Variants in ACOX3 observed in about 807,000 individuals in gnomAD.
ACOX3 encodes the protein acyl-CoA oxidase 3, pristanoyl, also known as peroxisomal acyl-coenzyme A oxidase 3.
In ACOX3, 73 loss-of-function variants were observed where a neutral mutation model predicts 81.5. That is an observed-to-expected ratio of 0.90 (90% CI 0.74 to 1.09). The LOEUF (loss-of-function observed/expected upper bound fraction) is 1.09, where lower values mean the gene tolerates loss of function less well. ACOX3 is among the 50% of genes least tolerant of loss of function. The pLI is 0.00. For synonymous variants in ACOX3, 387 were observed against 375.1 expected (o/e 1.03, Z -0.37); for missense variants, 947 against 928.0 (o/e 1.02, Z -0.27).
At chr4:8,409,614 G>GATGGGGCTGTCT (rs1420961616) in intron 6 of ACOX3, among the ~76,000 whole-genome samples, 8 of 150,726 alleles carry the variant, frequency 5.3e-5, no homozygotes, top group Non-Finnish European at 1.2e-4. Flanking sequence ...CTGTACTGTG[G>GATGGGGCTGTCT]GTGGGGCTGT....
rs1257401012 is a variant in ACOX3 at position 8,400,855 on chromosome 4, A to T, written c.777-1203T>A. ...GGTGGGAGTGGTTTCGGGATGATTCAAGCACATTATATTTATTGTGCACTT... is the reference window on the plus strand; with the variant it reads ...GGTGGGAGTGGTTTCGGGATGATTCTAGCACATTATATTTATTGTGCACTT... On this transcript the variant is annotated intron_variant, in intron 7 of 17. Coordinates refer to ENST00000356406, the MANE Select transcript of ACOX3 (RefSeq NM_003501.3). The surrounding 1 kb of genome is among the most constrained non-coding windows in gnomAD (Gnocchi z 4.4). 6.6e-6 allele frequency among the ~76,000 whole-genome samples: 1 copy of T among 152,154 alleles called. No homozygotes were observed. The highest frequency in any genetic ancestry group is 1.9e-4 in the East Asian group (1 of 5,194).
At chr4:8,363,995 C>T (rs748176765), downstream of ACOX3, among the ~76,000 whole-genome samples, 20 of 152,094 alleles carry the variant, frequency 1.3e-4, no homozygotes, top group Admixed American at 4.6e-4. Flanking sequence ...AGTAGCCATT[C>T]TTCTATTCCT....
intron 7 of ACOX3, among the ~76,000 whole-genome samples, chr4:8,401,412 C>T (rs1288710808): frequency 6.6e-6 from 1 of 152,176 alleles, no homozygotes; most frequent in Admixed American, 6.5e-5. Flanking sequence ...CAGGATGCCC[C>T]CACACCCCCA....
chr4:8,394,786 T>C lies in ACOX3; in HGVS notation c.1057-44A>G, dbSNP rs1001669164. The C allele has an allele frequency of 5.5e-5, 87 of 1,590,554 alleles. No homozygotes were observed. The highest frequency in any genetic ancestry group is 7.1e-5 in the Non-Finnish European group (83 of 1,165,446). On this transcript the variant is annotated intron_variant, in intron 9 of 17. Coordinates refer to ENST00000356406, the MANE Select transcript of ACOX3 (RefSeq NM_003501.3). This position sits in a 1 kb window ranked among gnomAD's most constrained non-coding sequence, Gnocchi z 5.9. ...CTGCGTGAACACATCGTGGTTCCCA[T>C]GAAGGGCAGCCCATCCCAGGGACCA...
At chr4:8,360,617 A>G in the ACOX3 span, among the ~76,000 whole-genome samples, 1 of 151,724 alleles carries the variant, frequency 6.6e-6, no homozygotes, top group East Asian at 1.9e-4. Context: ...GACTACAGGC[A>G]CCCGCCACCA....
chr4:8,435,478 A>T (rs1350155330), intron 1 of ACOX3, among the ~76,000 whole-genome samples: 1 of 152,090 alleles, frequency 6.6e-6, no homozygotes, highest in Non-Finnish European at 1.5e-5. Context: ...CCTGGGCAAC[A>T]GAGCGAGACT....
chr4:8,381,508 G>C lies in ACOX3; in HGVS notation c.1637C>G (p.Ala546Gly). 1.9e-6 allele frequency: 3 copies of C among 1,613,472 alleles called. No individual in the cohort carries two copies. The highest frequency in any genetic ancestry group is 2.5e-6 in the Non-Finnish European group (3 of 1,179,614). ...EKRSGSSDFE[A>G]RNKCQVSHGR... Reference sequence around the variant, plus strand: ...AATACTTACCTGGCATTTGTTCCTTGCTTCAAAGTCACTGCTTCCTGATCT... The same window carrying C: ...AATACTTACCTGGCATTTGTTCCTTCCTTCAAAGTCACTGCTTCCTGATCT... Residue 546 changes from alanine to glycine, a missense_variant, in exon 14 of 18, where the codon GCA becomes GGA. Coordinates refer to ENST00000356406, the MANE Select transcript of ACOX3 (RefSeq NM_003501.3). This position sits in a 1 kb window ranked among gnomAD's most constrained non-coding sequence, Gnocchi z 4.3.
At position 8,419,065 on chromosome 4, in the gene ACOX3, C is replaced by G. The variant is rs1209605642; in HGVS notation, c.-14-2530G>C. 6.6e-6 allele frequency among the ~76,000 whole-genome samples: 1 copy of G among 151,986 alleles called. No individual in the cohort carries two copies. ...TGTGGTCCCAGCTACTCTGGGGAGG[C>G]TAAGGCAGGAGGACAGCTTGAGCCC... On this transcript the variant is annotated intron_variant, in intron 1 of 17. Coordinates refer to ENST00000356406, the MANE Select transcript of ACOX3 (RefSeq NM_003501.3). This position sits in a 1 kb window ranked among gnomAD's most constrained non-coding sequence, Gnocchi z 4.2.
chr4:8,404,959 C>T (rs774350526), intron 7 of ACOX3, among the ~76,000 whole-genome samples: 1 of 152,048 alleles, frequency 6.6e-6, no homozygotes, highest in African/African-American at 2.4e-5. Context: ...GTCCAGCATT[C>T]GCAGTGAGGG....
intron 1 of ACOX3, among the ~76,000 whole-genome samples, chr4:8,424,081 A>C (rs890658056): frequency 6.6e-6 from 1 of 152,254 alleles, no homozygotes; most frequent in Non-Finnish European, 1.5e-5. Context: ...AAAATTATCC[A>C]GACACACCAG....
intron 1 of ACOX3, among the ~76,000 whole-genome samples, chr4:8,424,067 G>A (rs1723216456): frequency 6.6e-6 from 1 of 152,166 alleles, no homozygotes; most frequent in African/African-American, 2.4e-5. Flanking sequence ...AAATACTTAG[G>A]GCTAAAATTA....
intron 16 of ACOX3, 33 bp from the exon 17 acceptor site, chr4:8,371,027 C>T (rs1716122738): frequency 6.2e-7 from 1 of 1,603,482 alleles, no homozygotes; most frequent in African/African-American, 1.3e-5. Flanking sequence ...CACTTGGCAC[C>T]TCCCGGGAAT....
chr4:8,389,377 G>A lies in ACOX3; in HGVS notation c.1424-91C>T. 7.2e-7 allele frequency: 1 copy of A among 1,384,994 alleles called. No individual in the cohort carries two copies. Among genetic ancestry groups the A allele is most frequent in the South Asian group, 1.3e-5 (1 of 79,048 alleles). The allele number at this position is 1,384,994 out of a possible 1,614,324, so 85.8% of individuals were successfully genotyped here. A position where few individuals can be genotyped will look rare whatever the true frequency, so the allele number is the denominator to read the frequency against. ...GGGGGCACCCCAAAGCACAGAGAGTGTCCAGAGGACCCGACGGCCACAGAC... is the reference window on the plus strand; with the variant it reads ...GGGGGCACCCCAAAGCACAGAGAGTATCCAGAGGACCCGACGGCCACAGAC... On this transcript the variant is annotated intron_variant, in intron 12 of 17. Transcript: ENST00000356406. This position sits in a 1 kb window ranked among gnomAD's most constrained non-coding sequence, Gnocchi z 5.3.
At chr4:8,390,975 G>C (rs1026346152) in intron 11 of ACOX3, among the ~76,000 whole-genome samples, 3 of 150,028 alleles carry the variant, frequency 2.0e-5, no homozygotes, top group Non-Finnish European at 4.5e-5. Flanking sequence ...ATGGAGCCTC[G>C]GTCATATTGG....
At chr4:8,429,462 C>G (rs143168538) in intron 1 of ACOX3, among the ~76,000 whole-genome samples, 1 of 152,282 alleles carries the variant, frequency 6.6e-6, no homozygotes, top group South Asian at 2.1e-4. Flanking sequence ...GTGATAGACG[C>G]GGGGCTTTGG....
chr4:8,396,549 T>C (rs1360832074), intron 9 of ACOX3, among the ~76,000 whole-genome samples: 3 of 152,026 alleles, frequency 2.0e-5, no homozygotes, highest in Non-Finnish European at 4.4e-5. Flanking sequence ...TGGTGGTGCA[T>C]GCCCATAATC....
rs886746353 is a variant in ACOX3, at chr4:8,389,087, G to T, written c.1537+86C>A. ...TGCTGCCCCGGCTGGAACTGCCAAG[G>T]GTCCCCTCACCGAGGCACGGTGCGT... On this transcript the variant is annotated intron_variant, in intron 13 of 17. Transcript: ENST00000356406. The surrounding 1 kb of genome is among the most constrained non-coding windows in gnomAD (Gnocchi z 5.3). 1 of 1,118,714 alleles carries T rather than the reference G, an allele frequency of 8.9e-7. No individual in the cohort carries two copies. Among genetic ancestry groups the T allele is most frequent in the African/African-American group, 1.5e-5 (1 of 64,932 alleles). 69.3% of individuals were successfully genotyped at this position (1,118,714 alleles called of 1,614,324 possible).
At position 8,370,930 on chromosome 4, in the gene ACOX3, G is replaced by A. The variant is rs781727202; in HGVS notation, c.1961C>T (p.Pro654Leu). Residue 654 changes from proline (P) to leucine (L), a missense_variant, in exon 17 of 18, where the codon CCG (proline) becomes CTG (leucine). Transcript: ENST00000356406. This position sits in a 1 kb window ranked among gnomAD's most constrained non-coding sequence, Gnocchi z 6.3. ...TACCTCGCCGTCGGCTCTGCCAATC[G>A]GTGAGTCCAGAACAAAGTCAGGAGG... The part of the protein sequence containing the change: ...IAPPDFVLDS[P>L]IGRADGELYK... 6.8e-6 allele frequency: 11 copies of A among 1,613,918 alleles called. No individual in the cohort carries two copies. The highest frequency in any genetic ancestry group is 3.3e-4 in the Middle Eastern group (2 of 6,060).
chr4:8,355,685 C>G, the ACOX3 span: 1 of 152,048 alleles, frequency 6.6e-6, no homozygotes, highest in Non-Finnish European at 1.5e-5. Context: ...GCAGGCATTT[C>G]TGATTTAAAA....
Sources: allele counts gnomAD v4.1 joint callset (sites outside exome capture counted in the v4.1 genomes callset), GRCh38; gene constraint gnomAD v4.1.1; non-coding constraint Gnocchi (gnomAD v3.1); transcripts MANE v1.5; gene names NCBI Gene and HGNC (gene_info 2026-07-23, HGNC 2026-07-21).